Variants in STXBP5L observed in about 807,000 individuals in gnomAD.
STXBP5L encodes the protein syntaxin-binding protein 5-like.
STXBP5L carries 65 observed loss-of-function variants against 144.5 expected under a neutral mutation model. The observed-to-expected ratio is 0.45, with a 90% CI of 0.37 to 0.55. The LOEUF is 0.55. Ranked by LOEUF, STXBP5L falls within the 20% of genes least tolerant of loss-of-function variation. The probability of loss-of-function intolerance (pLI) is 0.00; values close to 1 mark genes in which losing one functional copy is unlikely to be tolerated. For missense variants in STXBP5L, 1,298 were observed against 1,405.5 expected (o/e 0.92, Z 1.22); for synonymous variants, 505 against 469.6 (o/e 1.08, Z -0.97).
chr3:121,186,626 G>T (rs928024800), intron 9 of STXBP5L, among the ~76,000 whole-genome samples: 2 of 152,184 alleles, frequency 1.3e-5, no homozygotes, highest in East Asian at 1.9e-4. Flanking sequence ...AACCAGCCTT[G>T]CATCCCAGGG....
chr3:121,044,368 A>G (rs183244418), intron 4 of STXBP5L, among the ~76,000 whole-genome samples: 1 of 152,320 alleles, frequency 6.6e-6, no homozygotes, highest in African/African-American at 2.4e-5. Flanking sequence ...GGGCATTTAG[A>G]TTCCTATCTT....
intron 20 of STXBP5L, among the ~76,000 whole-genome samples, chr3:121,353,992 T>C (rs1046392604): frequency 6.6e-6 from 1 of 152,202 alleles, no homozygotes; most frequent in Non-Finnish European, 1.5e-5. Context: ...TTGAGCAGTT[T>C]TGAGTGAGTT....
At chr3:121,277,130 GCTGAGAAGT>G (rs2050909652) in intron 18 of STXBP5L, among the ~76,000 whole-genome samples, 1 of 151,934 alleles carries the variant, frequency 6.6e-6, no homozygotes, top group Non-Finnish European at 1.5e-5. Flanking sequence ...AATTCTGAAG[GCTGAGAAGT>G]CTAATATCAA....
rs935802248 is a variant in STXBP5L, at chr3:121,231,670, G to A, written c.1112-1946G>A. On this transcript the variant is annotated intron_variant, in intron 11 of 26. Coordinates refer to ENST00000471454, the MANE Select transcript of STXBP5L (RefSeq NM_001308330.2). Reference sequence around the variant, plus strand: ...GATATATATATTTTGGGTCTGCAATGTGGTACTTATGGAGATTCCTTCCCA... The same window carrying A: ...GATATATATATTTTGGGTCTGCAATATGGTACTTATGGAGATTCCTTCCCA... Among the ~76,000 whole-genome samples the A allele has an allele frequency of 4.6e-5, 7 of 152,172 alleles. No individual in the cohort carries two copies. The South Asian group carries it at 1.0e-3, about 22-fold the overall frequency.
At chr3:121,290,915 C>T (rs922371203) in intron 19 of STXBP5L, among the ~76,000 whole-genome samples, 1 of 152,062 alleles carries the variant, frequency 6.6e-6, no homozygotes, top group Admixed American at 6.6e-5. Flanking sequence ...TAATAAAAGC[C>T]ATCTATGACA....
intron 20 of STXBP5L, among the ~76,000 whole-genome samples, chr3:121,337,386 C>T (rs1251291679): frequency 7.1e-6 from 1 of 140,792 alleles, no homozygotes; most frequent in Non-Finnish European, 1.5e-5. Context: ...GAAAAAGCAG[C>T]AGGAGTAGTT....
intron 20 of STXBP5L, among the ~76,000 whole-genome samples, chr3:121,355,191 CTT>C (rs2045461634): frequency 6.6e-6 from 1 of 152,152 alleles, no homozygotes. Flanking sequence ...CAAGGAGTAT[CTT>C]TGTAGTGTTC....
At chr3:121,299,796 G>T (rs540316553) in intron 19 of STXBP5L, among the ~76,000 whole-genome samples, 85 of 151,994 alleles carry the variant, frequency 5.6e-4, no homozygotes, top group African/African-American at 2.0e-3. Flanking sequence ...AGACCAGCCG[G>T]ACCAACATGG....
At chr3:121,084,309 C>T (rs1391015148) in intron 5 of STXBP5L, among the ~76,000 whole-genome samples, 1 of 152,122 alleles carries the variant, frequency 6.6e-6, no homozygotes. Flanking sequence ...AACCTATCAC[C>T]TAGGTATTGA....
chr3:120,926,712 T>C (rs1203782740), intron 2 of STXBP5L, among the ~76,000 whole-genome samples: 1 of 152,182 alleles, frequency 6.6e-6, no homozygotes, highest in Non-Finnish European at 1.5e-5. Context: ...TTCTATATTT[T>C]GTAAGCAATC....
chr3:121,294,290 A>G (rs576375755), intron 19 of STXBP5L, among the ~76,000 whole-genome samples: 13 of 152,354 alleles, frequency 8.5e-5, no homozygotes, highest in African/African-American at 3.1e-4. Flanking sequence ...TTATCATTCA[A>G]TGTGAGAGAT....
chr3:121,384,496 T>G (rs866236604), intron 22 of STXBP5L, among the ~76,000 whole-genome samples: 1 of 152,150 alleles, frequency 6.6e-6, no homozygotes. Flanking sequence ...AGACCCTGTC[T>G]CTAGAAAAAA....
At chr3:121,250,792 A>G in intron 15 of STXBP5L, 29 bp downstream of exon 15, 1 of 1,591,504 alleles carries the variant, frequency 6.3e-7, no homozygotes, top group Non-Finnish European at 8.6e-7. Flanking sequence ...TACAACAGAA[A>G]CCAATTGGTT....
intron 3 of STXBP5L, among the ~76,000 whole-genome samples, chr3:120,965,228 T>C (rs1939413195): frequency 6.6e-6 from 1 of 152,228 alleles, no homozygotes; most frequent in South Asian, 2.1e-4. Context: ...GTTGACTGTT[T>C]ATCCAATTTG....
chr3:120,973,936 A>G (rs1018220862), intron 3 of STXBP5L, among the ~76,000 whole-genome samples: 88 of 152,204 alleles, frequency 5.8e-4, no homozygotes, highest in African/African-American at 2.1e-3. Context: ...TAATCCAGTC[A>G]ATCATTGTTG....
intron 13 of STXBP5L, 123 bp from the exon 14 acceptor site, chr3:121,240,317 C>A: frequency 1.2e-6 from 1 of 818,806 alleles, no homozygotes; most frequent in South Asian, 1.9e-5. Context: ...ACACTTCATT[C>A]TTGATGATTT....
At chr3:121,014,465 G>T (rs1215830929) in intron 3 of STXBP5L, among the ~76,000 whole-genome samples, 2 of 151,856 alleles carry the variant, frequency 1.3e-5, no homozygotes, top group Non-Finnish European at 2.9e-5. Context: ...ATTTAATCTT[G>T]TAGTTCAAGA....
chr3:121,157,451 A>G lies in STXBP5L; in HGVS notation c.754-53A>G, dbSNP rs2046156726. On this transcript the variant is annotated intron_variant, in intron 8 of 26. Coordinates refer to ENST00000471454, the MANE Select transcript of STXBP5L (RefSeq NM_001308330.2). The stretch of plus-strand genomic sequence containing the variant: ...GTTTTTCTTTGGAATATAGAATGAT[A>G]TAACCTATCTACTTTTTTCCCCCTC... 9 of 1,506,724 alleles carry G rather than the reference A, an allele frequency of 6.0e-6. 1 individual carries two copies. The South Asian group carries it at 9.3e-5, about 16-fold the overall frequency. The allele number at this position is 1,506,724 out of a possible 1,614,324, so 93.3% of individuals were successfully genotyped here. A position where few individuals can be genotyped will look rare whatever the true frequency, so the allele number is the denominator to read the frequency against.
intron 9 of STXBP5L, among the ~76,000 whole-genome samples, chr3:121,177,254 A>G (rs1344173299): frequency 6.6e-6 from 1 of 152,146 alleles, no homozygotes; most frequent in East Asian, 1.9e-4. Flanking sequence ...GGCTTAATTC[A>G]CCTACTAAAA....
Sources: gnomAD v4.1 joint callset for allele counts (sites outside exome capture counted in the v4.1 genomes callset) on GRCh38, gnomAD v4.1.1 for gene constraint, MANE v1.5 for transcripts, NCBI Gene and HGNC (gene_info 2026-07-23, HGNC 2026-07-21) for gene names.